SLC44A1: variants seen among roughly 807,000 people sequenced by gnomAD.
SLC44A1 encodes solute carrier family 44 member 1.
SLC44A1 carries 26 observed loss-of-function variants against 79.3 expected under a neutral mutation model. The observed-to-expected ratio is 0.33, with a 90% confidence interval of 0.24 to 0.46. The LOEUF is 0.46. SLC44A1 is among the 20% of genes least tolerant of loss of function. The probability of loss-of-function intolerance (pLI) is 1.00; values close to 1 mark genes in which losing one functional copy is unlikely to be tolerated. For missense variants in SLC44A1, 688 were observed against 798.1 expected, an observed-to-expected ratio of 0.86 and a Z score of 1.66; for synonymous variants, 263 against 286.2, an observed-to-expected ratio of 0.92 and a Z score of 0.82.
intron 15 of SLC44A1, among the ~76,000 whole-genome samples, chr9:105,436,567 G>A (rs1829466674): frequency 6.6e-6 from 1 of 152,182 alleles, no homozygotes; most frequent in African/African-American, 2.4e-5. Context: ...GGTGACAGAG[G>A]AAGACCTTGT....
chr9:105,268,917 T>TA (rs1271858015), intron 1 of SLC44A1, among the ~76,000 whole-genome samples: 2 of 152,220 alleles, frequency 1.3e-5, no homozygotes, highest in African/African-American at 2.4e-5. Context: ...CAACTTCACT[T>TA]ACGTTACCTT....
intron 13 of SLC44A1, 103 bp from the exon 14 acceptor site, chr9:105,383,020 A>G (rs573723640): frequency 6.5e-6 from 5 of 769,610 alleles, no homozygotes; most frequent in Non-Finnish European, 1.1e-5. Flanking sequence ...GCCTCATGCA[A>G]CCATCATTTA....
At chr9:105,415,500 G>T (rs1329896660) in intron 15 of SLC44A1, among the ~76,000 whole-genome samples, 1 of 152,230 alleles carries the variant, frequency 6.6e-6, no homozygotes, top group Non-Finnish European at 1.5e-5. Flanking sequence ...ACCTTAGAGG[G>T]AGGCAGGAGT....
chr9:105,312,613 T>C lies in SLC44A1; in HGVS notation c.269+2747T>C, dbSNP rs1222398652. Among the ~76,000 whole-genome samples, 4 of 152,266 alleles carry C rather than the reference T, an allele frequency of 2.6e-5. No homozygotes were observed. In the East Asian group the frequency reaches 7.7e-4, roughly 29 times the overall value. On this transcript the variant is annotated intron_variant, in intron 3 of 15. Coordinates refer to ENST00000374720, the MANE Select transcript of SLC44A1 (RefSeq NM_080546.5). ...TTATTAATGCATATTGCTGAATGGC[T>C]TTCCATAAAGACCGTTCCATTTATA...
chr9:105,392,065 A>G lies in SLC44A1; in HGVS notation c.*3009A>G. On this transcript the variant is annotated 3_prime_UTR_variant, in exon 16 of 16. Coordinates refer to ENST00000374720, the MANE Select transcript of SLC44A1 (RefSeq NM_080546.5). ...AGTTATATTTCAGTGTAAATCCAAG[A>G]GACCCATCTTCTATGAGAGGCTTAC... 1.0e-6 allele frequency: 1 copy of G among 985,266 alleles called. No individual in the cohort carries two copies. Among genetic ancestry groups the G allele is most frequent in the Non-Finnish European group, 1.2e-6 (1 of 829,790 alleles). The allele number at this position is 985,266 out of a possible 1,614,324, so 61.0% of individuals were successfully genotyped here.
At chr9:105,385,552 TC>T in intron 15 of SLC44A1, 50 bp downstream of exon 15, 1 of 1,550,786 alleles carries the variant, frequency 6.4e-7, no homozygotes, top group Non-Finnish European at 8.7e-7. Context: ...CACTTTCACT[TC>T]CTCTCTCTCT....
At chr9:105,399,352 G>T (rs2069368042), downstream of SLC44A1, among the ~76,000 whole-genome samples, 1 of 152,230 alleles carries the variant, frequency 6.6e-6, no homozygotes, top group South Asian at 2.1e-4. Context: ...GCAAAACAAA[G>T]CGGCTTTCAG....
intron 3 of SLC44A1, among the ~76,000 whole-genome samples, chr9:105,313,849 C>G (rs1240749416): frequency 6.6e-6 from 1 of 152,002 alleles, no homozygotes; most frequent in African/African-American, 2.4e-5. Context: ...ACCTCTGCCT[C>G]CTGGGTTCAA....
At chr9:105,269,501 C>T (rs1174525855) in intron 1 of SLC44A1, among the ~76,000 whole-genome samples, 1 of 152,050 alleles carries the variant, frequency 6.6e-6, no homozygotes, top group Non-Finnish European at 1.5e-5. Flanking sequence ...ATTCTTCTAT[C>T]AAAAAAGGAC....
chr9:105,364,576 A>G lies in SLC44A1; in HGVS notation c.1109A>G (p.Gln370Arg), dbSNP rs756608403. ...GTTGSPVQNEQGFVEFKISGP... is the reference protein window; with the variant it reads ...GTTGSPVQNERGFVEFKISGP... ...CTAGGCAGTCCTGTTCAGAATGAGCAAGGCTTTGTGGAGTTCAAAATTTCT... is the reference window on the plus strand; with the variant it reads ...CTAGGCAGTCCTGTTCAGAATGAGCGAGGCTTTGTGGAGTTCAAAATTTCT... Residue 370 changes from glutamine (Q) to arginine (R), a missense_variant, in exon 10 of 16, where the codon CAA becomes CGA. Physicochemically the swap from Gln to Arg is conservative, Grantham distance 43. Coordinates refer to ENST00000374720, the MANE Select transcript of SLC44A1 (RefSeq NM_080546.5). 1 of 1,613,452 alleles carries G rather than the reference A, an allele frequency of 6.2e-7. No homozygotes were observed. The highest frequency in any genetic ancestry group is 8.5e-7 in the Non-Finnish European group (1 of 1,179,830).
intron 12 of SLC44A1, among the ~76,000 whole-genome samples, chr9:105,368,715 T>C (rs1342653265): frequency 1.3e-5 from 2 of 152,208 alleles, no homozygotes; most frequent in Non-Finnish European, 2.9e-5. Context: ...TGATTCATTC[T>C]GTAAACTACG....
chr9:105,376,335 A>G (rs1828284418), intron 13 of SLC44A1, among the ~76,000 whole-genome samples: 1 of 137,160 alleles, frequency 7.3e-6, no homozygotes, highest in Admixed American at 6.9e-5. Flanking sequence ...ACACACACAC[A>G]CACACACACA....
intron 3 of SLC44A1, among the ~76,000 whole-genome samples, chr9:105,327,049 T>A (rs1826601018): frequency 6.6e-6 from 1 of 152,214 alleles, no homozygotes; most frequent in Non-Finnish European, 1.5e-5. Context: ...TGTTTAATTT[T>A]TTTCCTTTCC....
chr9:105,271,627 T>C (rs1830079195), intron 1 of SLC44A1, among the ~76,000 whole-genome samples: 1 of 152,166 alleles, frequency 6.6e-6, no homozygotes. Flanking sequence ...TTCTTTTTTT[T>C]CTTTCAGACA....
At chr9:105,266,254 A>G (rs1288362852) in intron 1 of SLC44A1, among the ~76,000 whole-genome samples, 1 of 152,186 alleles carries the variant, frequency 6.6e-6, no homozygotes, top group Non-Finnish European at 1.5e-5. Context: ...AGTGTGAGCC[A>G]CCATACTTGG....
intron 1 of SLC44A1, among the ~76,000 whole-genome samples, chr9:105,293,184 A>G (rs1026408950): frequency 2.6e-5 from 4 of 152,222 alleles, no homozygotes; most frequent in Non-Finnish European, 5.9e-5. Context: ...TCTGAAAATC[A>G]AGCAGCTTCA....
At position 105,391,871 on chromosome 9, in the gene SLC44A1, A is replaced by G. The variant is rs1022134284; in HGVS notation, c.*2815A>G. 1 of 985,214 alleles carries G rather than the reference A, an allele frequency of 1.0e-6. No individual in the cohort carries two copies. Among genetic ancestry groups the G allele is most frequent in the Admixed American group, 6.2e-5 (1 of 16,254 alleles). The allele number at this position is 985,214 out of a possible 1,614,324, so 61.0% of individuals were successfully genotyped here. A position where few individuals can be genotyped will look rare whatever the true frequency, so the allele number is the denominator to read the frequency against. On this transcript the variant is annotated 3_prime_UTR_variant, in exon 16 of 16. Transcript: ENST00000374720. ...TTCTGTGGTGAATCTTCAAAACTGT[A>G]TTCAGGACTCATATTTCTAGAGTTT...
chr9:105,384,839 C>T (rs1188940375), intron 14 of SLC44A1, among the ~76,000 whole-genome samples: 6 of 152,174 alleles, frequency 3.9e-5, no homozygotes, highest in Admixed American at 6.5e-5. Context: ...ATTCCCATTT[C>T]GACTACTACT....
chr9:105,309,719 C>A lies in SLC44A1; in HGVS notation c.127-5C>A. 6.2e-7 allele frequency: 1 copy of A among 1,613,090 alleles called. No homozygotes were observed. Among genetic ancestry groups the A allele is most frequent in the South Asian group, 1.1e-5 (1 of 90,988 alleles). ...TTTGTATGTTTTTTTCTGTTTCTTTCCTAGGGATTTATTTGTGGCTTTTCA... is the reference window on the plus strand; with the variant it reads ...TTTGTATGTTTTTTTCTGTTTCTTTACTAGGGATTTATTTGTGGCTTTTCA... On this transcript the variant is annotated splice_polypyrimidine_tract_variant and splice_region_variant and intron_variant, in intron 2 of 15. Transcript: ENST00000374720.
Sources: allele counts gnomAD v4.1 joint callset (sites outside exome capture counted in the v4.1 genomes callset), GRCh38; gene constraint gnomAD v4.1.1; transcripts MANE v1.5; gene names NCBI Gene and HGNC (gene_info 2026-07-23, HGNC 2026-07-21).